Variants in TMEM132B observed in about 807,000 individuals in gnomAD.
TMEM132B encodes transmembrane protein 132B.
Under a neutral mutation model 90.8 loss-of-function variants are expected in TMEM132B, and 18 were observed. The ratio of observed to expected loss-of-function variants is 0.20; its 90% CI spans 0.14 to 0.29. The LOEUF (loss-of-function observed/expected upper bound fraction) is 0.29. Ranked by LOEUF, TMEM132B falls within the 10% of genes least tolerant of loss-of-function variation. The pLI is 1.00. For missense variants in TMEM132B, 1,096 were observed against 1,326.8 expected (o/e 0.83, Z 2.70); for synonymous variants, 504 against 523.3 (o/e 0.96, Z 0.50).
chr12:125,230,550 G>A (rs977510430), intron 1 of TMEM132B, among the ~76,000 whole-genome samples: 51 of 151,788 alleles, frequency 3.4e-4, no homozygotes, highest in African/African-American at 7.7e-4. Flanking sequence ...GCGTAATCTC[G>A]GCTCACTGCA....
chr12:125,623,600 A>C (rs1216857361), intron 5 of TMEM132B, among the ~76,000 whole-genome samples: 1 of 152,186 alleles, frequency 6.6e-6, no homozygotes, highest in African/African-American at 2.4e-5. Flanking sequence ...GATGGGTATC[A>C]GTCCCTTCTT....
chr12:125,566,711 G>A (rs1359214239), intron 4 of TMEM132B, among the ~76,000 whole-genome samples: 1 of 152,062 alleles, frequency 6.6e-6, no homozygotes, highest in Non-Finnish European at 1.5e-5. Context: ...TCCCACTGTG[G>A]GCACAGAGAG....
chr12:125,393,570 C>G (rs323850), intron 2 of TMEM132B, among the ~76,000 whole-genome samples: 77,806 of 151,494 alleles, frequency 0.51, 20,718 homozygotes, highest in East Asian at 0.88. Context: ...GTGGTGTGAG[C>G]TATAAAGGTT....
intron 2 of TMEM132B, among the ~76,000 whole-genome samples, chr12:125,362,624 C>T (rs1449151754): frequency 1.3e-5 from 2 of 152,184 alleles, no homozygotes; most frequent in Non-Finnish European, 2.9e-5. Context: ...TTTCTCCCTG[C>T]CCCTTGGCTC....
chr12:125,579,869 A>T (rs1283921746), intron 4 of TMEM132B, among the ~76,000 whole-genome samples: 3 of 152,076 alleles, frequency 2.0e-5, no homozygotes, highest in African/African-American at 7.2e-5. Flanking sequence ...TCAAAGCTGG[A>T]CATTTAAAAT....
chr12:125,375,099 C>T (rs1157125511), intron 2 of TMEM132B, among the ~76,000 whole-genome samples: 2 of 152,188 alleles, frequency 1.3e-5, no homozygotes, highest in Non-Finnish European at 2.9e-5. Context: ...AGAAATTGTA[C>T]TGCAACTGGA....
chr12:125,591,306 A>G (rs140054404), intron 5 of TMEM132B, among the ~76,000 whole-genome samples: 1 of 152,078 alleles, frequency 6.6e-6, no homozygotes, highest in Non-Finnish European at 1.5e-5. Flanking sequence ...GCCTTTTCCA[A>G]CTTCTAGAGG....
intron 4 of TMEM132B, among the ~76,000 whole-genome samples, chr12:125,569,746 G>A (rs904223966): frequency 1.3e-5 from 2 of 152,132 alleles, no homozygotes; most frequent in Non-Finnish European, 2.9e-5. Context: ...AGCTCCTTAG[G>A]AAGCTTGACC....
intron 1 of TMEM132B, among the ~76,000 whole-genome samples, chr12:125,198,993 T>C (rs1269605567): frequency 6.6e-6 from 1 of 152,250 alleles, no homozygotes; most frequent in Non-Finnish European, 1.5e-5. Context: ...TCTGCCAATA[T>C]GGATTAGAGT....
chr12:125,472,710 G>A (rs1881754981), intron 3 of TMEM132B, among the ~76,000 whole-genome samples: 1 of 152,138 alleles, frequency 6.6e-6, no homozygotes, highest in East Asian at 1.9e-4. Context: ...AAGGGAGCTT[G>A]TTCACCCCTT....
chr12:125,618,820 C>G (rs1886051501), intron 5 of TMEM132B, among the ~76,000 whole-genome samples: 1 of 152,082 alleles, frequency 6.6e-6, no homozygotes, highest in South Asian at 2.1e-4. Flanking sequence ...TGTAAATATA[C>G]AAATCTTAAA....
intron 4 of TMEM132B, among the ~76,000 whole-genome samples, chr12:125,536,746 GC>G (rs1481582284): frequency 1.3e-5 from 2 of 152,054 alleles, no homozygotes; most frequent in Non-Finnish European, 2.9e-5. Flanking sequence ...GAGAATAGTG[GC>G]CCTCCAAAGA....
chr12:125,575,078 A>ATATATATATATT (rs1311570495), intron 4 of TMEM132B, among the ~76,000 whole-genome samples: 2 of 108,962 alleles, frequency 1.8e-5, no homozygotes, highest in African/African-American at 6.7e-5. Context: ...ATATATATAT[A>ATATATATATATT]TATATTCAGG....
chr12:125,639,989 G>C (rs1886587167), intron 5 of TMEM132B, among the ~76,000 whole-genome samples: 1 of 152,180 alleles, frequency 6.6e-6, no homozygotes. Flanking sequence ...AGGCCATCGA[G>C]GGCCCGGGTT....
intron 1 of TMEM132B, among the ~76,000 whole-genome samples, chr12:125,212,974 C>A (rs948070832): frequency 6.6e-6 from 1 of 152,014 alleles, no homozygotes; most frequent in Admixed American, 6.5e-5. Flanking sequence ...TGTACAAGTC[C>A]GTGGCATTTG....
chr12:125,365,407 A>G (rs1280795073), intron 2 of TMEM132B, among the ~76,000 whole-genome samples: 2 of 152,088 alleles, frequency 1.3e-5, no homozygotes, highest in African/African-American at 4.8e-5. Flanking sequence ...TATAACTTTT[A>G]CTTTAAATAG....
intron 5 of TMEM132B, among the ~76,000 whole-genome samples, chr12:125,588,931 A>T (rs1885240777): frequency 6.6e-6 from 1 of 152,332 alleles, no homozygotes; most frequent in Non-Finnish European, 1.5e-5. Flanking sequence ...AGTTTAGAGG[A>T]TGATTAAATA....
chr12:125,497,816 G>T (rs1369251166), intron 3 of TMEM132B, among the ~76,000 whole-genome samples: 3 of 152,234 alleles, frequency 2.0e-5, no homozygotes, highest in Admixed American at 1.3e-4. Flanking sequence ...TCAAGTAAGA[G>T]TTCCCGCTCA....
At chr12:125,411,187 A>AGGAGT (rs745496165) in intron 2 of TMEM132B, among the ~76,000 whole-genome samples, 3 of 115,070 alleles carry the variant, frequency 2.6e-5, no homozygotes, top group East Asian at 5.9e-4. Flanking sequence ...GAGTGAGTGG[A>AGGAGT]GGAGTGGAGT....
Sources: allele counts gnomAD v4.1 joint callset (sites outside exome capture counted in the v4.1 genomes callset), GRCh38; gene constraint gnomAD v4.1.1; transcripts MANE v1.5; gene names NCBI Gene and HGNC (gene_info 2026-07-23, HGNC 2026-07-21).